HIVEP2: variants seen among roughly 807,000 people sequenced by gnomAD.
HIVEP2 encodes the protein HIVEP zinc finger 2.
HIVEP2 carries 14 observed loss-of-function variants against 180.7 expected under a neutral mutation model. The ratio of observed to expected loss-of-function variants is 0.08; its 90% CI spans 0.05 to 0.12. HIVEP2 has a LOEUF of 0.12. Ranked by LOEUF, HIVEP2 falls within the 10% of genes least tolerant of loss-of-function variation. The pLI, the probability that HIVEP2 is intolerant of heterozygous loss-of-function variation, is 1.00. For synonymous variants in HIVEP2, 1,184 were observed against 1,136.4 expected, an observed-to-expected ratio of 1.04 and a Z score of -0.84; for missense variants, 2,579 against 3,008.5, an observed-to-expected ratio of 0.86 and a Z score of 3.34.
intron 7 of HIVEP2, among the ~76,000 whole-genome samples, chr6:142,763,834 G>C (rs1360979904): frequency 6.6e-6 from 1 of 152,106 alleles, no homozygotes; most frequent in Non-Finnish European, 1.5e-5. Flanking sequence ...CTATTACATA[G>C]ATCTTTTTAA....
intron 1 of HIVEP2, among the ~76,000 whole-genome samples, chr6:142,941,145 A>T (rs966201833): frequency 4.6e-5 from 7 of 152,306 alleles, no homozygotes; most frequent in Non-Finnish European, 1.0e-4. Flanking sequence ...GGCAGTTCTG[A>T]TTCTATTCTA....
intron 1 of HIVEP2, among the ~76,000 whole-genome samples, chr6:142,892,899 G>A (rs1043117928): frequency 1.3e-5 from 2 of 152,184 alleles, no homozygotes; most frequent in Non-Finnish European, 2.9e-5. Context: ...ACTCTCAGAA[G>A]TATAATCATT....
At chr6:142,808,667 T>G (rs1776614024) in intron 2 of HIVEP2, among the ~76,000 whole-genome samples, 1 of 132,386 alleles carries the variant, frequency 7.6e-6, no homozygotes, top group Admixed American at 8.3e-5. Flanking sequence ...GAGGGCTAGA[T>G]GGATAGAAGG....
Position 142,793,677 on chromosome 6 carries a change from C to CTTTCTTTCTTTTTTTTTTCTTTCTTTCTT in HIVEP2, c.-527-10063_-527-10062insAAGAAAGAAAGAAAAAAAAAAGAAAGAAA, listed in dbSNP as rs1554279295. ...CTTTCTTTTTTCTTTCTTTCTTTCT[C>CTTTCTTTCTTTTTTTTTTCTTTCTTTCTT]TCTCTCTCTCTCTCTCTCTCTGTCT... On this transcript the variant is annotated intron_variant, in intron 2 of 9. Coordinates refer to ENST00000367603, the MANE Select transcript of HIVEP2 (RefSeq NM_006734.4). Among the ~76,000 whole-genome samples the CTTTCTTTCTTTTTTTTTTCTTTCTTTCTT allele has an allele frequency of 2.4e-5, 3 of 125,042 alleles. No individual in the cohort carries two copies. In the Admixed American group the frequency reaches 2.9e-4, roughly 12 times the overall value. 82.0% of individuals were successfully genotyped at this position (125,042 alleles called of 152,430 possible).
intron 1 of HIVEP2, among the ~76,000 whole-genome samples, chr6:142,883,474 G>T (rs1012774814): frequency 6.6e-6 from 1 of 152,006 alleles, no homozygotes; most frequent in African/African-American, 2.4e-5. Flanking sequence ...AATCTTTTGT[G>T]AAATATATTT....
At chr6:142,793,639 TC>T (rs1229262357) in intron 2 of HIVEP2, among the ~76,000 whole-genome samples, 9 of 34,506 alleles carry the variant, frequency 2.6e-4, no homozygotes, top group Admixed American at 7.0e-4. Flanking sequence ...TTTCTTTCTT[TC>T]TTTCTTTCTT....
intron 1 of HIVEP2, among the ~76,000 whole-genome samples, chr6:142,868,142 C>A (rs1197888070): frequency 6.6e-6 from 1 of 152,152 alleles, no homozygotes; most frequent in Admixed American, 6.6e-5. Flanking sequence ...AGTTATCCTA[C>A]CGGGCTACAG....
intron 1 of HIVEP2, among the ~76,000 whole-genome samples, chr6:142,908,105 C>A (rs1777312041): frequency 6.6e-6 from 1 of 152,204 alleles, no homozygotes; most frequent in African/African-American, 2.4e-5. Context: ...ATGGTCCAGG[C>A]CTTCCTACTT....
At position 142,935,525 on chromosome 6, in the gene HIVEP2, G is replaced by A. The variant is rs145577312; in HGVS notation, c.-641+9574C>T. ...CAGATCGCACCACTGCACTCCAGTG[G>A]GGGCAACAGAGTGAGACCCTGTCTC... On this transcript the variant is annotated intron_variant, in intron 1 of 9. Coordinates refer to ENST00000367603, the MANE Select transcript of HIVEP2 (RefSeq NM_006734.4). 5.9e-5 allele frequency among the ~76,000 whole-genome samples: 9 copies of A among 152,024 alleles called. No homozygotes were observed. The East Asian group carries it at 1.8e-3, about 30-fold the overall frequency.
rs377180774 is a variant in HIVEP2 at position 142,770,103 on chromosome 6, C to T, written c.4636G>A (p.Gly1546Ser). Reference protein sequence around the residue: ...PFLPSKEMLSGSRAPLPGQKS... With the variant: ...PFLPSKEMLSSSRAPLPGQKS... The stretch of plus-strand genomic sequence containing the variant: ...TGCCCCGGAAGTGGTGCCCGGGAAC[C>T]GGAAAGCATCTCCTTGCTGGGCAGG... The change falls in exon 5 of 10, where the codon GGT (glycine) becomes AGT (serine). Residue 1546 changes from glycine (G) to serine (S), a missense_variant. Around this residue, in one of 11 missense-constraint regions of HIVEP2, gnomAD observed 349 missense variants for 367.2 expected, o/e 0.95. Transcript: ENST00000367603. The surrounding 1 kb of genome is among the most constrained non-coding windows in gnomAD (Gnocchi z 4.7). 18 of 1,614,076 alleles carry T rather than the reference C, an allele frequency of 1.1e-5. No individual in the cohort carries two copies. Among genetic ancestry groups the T allele is most frequent in the African/African-American group, 8.0e-5 (6 of 74,940 alleles).
intron 1 of HIVEP2, among the ~76,000 whole-genome samples, chr6:142,871,562 A>T (rs1395860908): frequency 1.3e-5 from 2 of 152,124 alleles, no homozygotes; most frequent in Non-Finnish European, 2.9e-5. Flanking sequence ...TATAAATATA[A>T]TCCTAGAAAT....
intron 7 of HIVEP2, among the ~76,000 whole-genome samples, chr6:142,763,345 A>G (rs1312872290): frequency 6.6e-6 from 1 of 152,192 alleles, no homozygotes; most frequent in East Asian, 1.9e-4. Flanking sequence ...TGCTCAGACG[A>G]CAATGTGGGT....
chr6:142,885,233 T>C (rs1776666568), intron 1 of HIVEP2, among the ~76,000 whole-genome samples: 1 of 152,156 alleles, frequency 6.6e-6, no homozygotes, highest in Non-Finnish European at 1.5e-5. Flanking sequence ...GAAATGCACC[T>C]TTCCCCACAC....
chr6:142,866,610 G>C (rs1408193582), intron 1 of HIVEP2, among the ~76,000 whole-genome samples: 2 of 152,148 alleles, frequency 1.3e-5, no homozygotes, highest in Admixed American at 1.3e-4. Context: ...TAGTCTGGGA[G>C]ATTCTCTTTA....
In HIVEP2 at chr6:142,773,844, G is replaced by C; in HGVS notation, c.895C>G (p.Pro299Ala). 1 of 1,613,572 alleles carries C rather than the reference G, an allele frequency of 6.2e-7. No individual in the cohort carries two copies. The highest frequency in any genetic ancestry group is 8.5e-7 in the Non-Finnish European group (1 of 1,180,002). ...CTGGCAATGTCCAGTGGGATGGGTG[G>C]ACCAGGACTCATTTTGTCAGAAGCC... is the stretch of plus-strand genomic sequence containing the variant. Reference protein sequence around the residue: ...AEASDKMSPGPPIPLDIASRG... With the variant: ...AEASDKMSPGAPIPLDIASRG... Residue 299 changes from proline to alanine, a missense_variant, in exon 5 of 10, where the codon CCA becomes GCA. By Grantham distance (27) the Pro-to-Ala change is conservative. Transcript: ENST00000367603.
At position 142,773,176 on chromosome 6, in the gene HIVEP2, T is replaced by C. The variant is rs780526341; in HGVS notation, c.1563A>G (p.Ala521=). The C allele has an allele frequency of 3.7e-6, 6 of 1,614,236 alleles. No homozygotes were observed. The highest frequency in any genetic ancestry group is 5.1e-6 in the Non-Finnish European group (6 of 1,180,042). ...GAACCGGGTTGCTGCCTTGGAAGTT[T>C]GCTGGATAAAGTTTTCCTTCGTTCC... The part of the protein sequence containing the change: ...SIRNEGKLYP[A]NFQGSNPVLL... The change falls in exon 5 of 10, where the codon GCA becomes GCG. Residue 521 remains alanine (A), a synonymous_variant. Transcript: ENST00000367603.
chr6:142,781,112 C>G (rs561295748), intron 3 of HIVEP2, among the ~76,000 whole-genome samples: 1 of 152,272 alleles, frequency 6.6e-6, no homozygotes, highest in South Asian at 2.1e-4. Context: ...CAGAGATCCA[C>G]TTAGAACTAT....
intron 1 of HIVEP2, among the ~76,000 whole-genome samples, chr6:142,931,280 A>G (rs946115192): frequency 3.3e-5 from 5 of 151,804 alleles, no homozygotes; most frequent in East Asian, 3.9e-4. Flanking sequence ...ACTGCTATCT[A>G]TATAGTGCCT....
At chr6:142,793,467 C>T (rs559894415) in intron 2 of HIVEP2, among the ~76,000 whole-genome samples, 48 of 152,122 alleles carry the variant, frequency 3.2e-4, no homozygotes, top group African/African-American at 1.1e-3. Context: ...ATTTCTTTTC[C>T]GATACCATGA....
Sources: gnomAD v4.1 joint callset for allele counts (sites outside exome capture counted in the v4.1 genomes callset) on GRCh38, gnomAD v4.1.1 for gene constraint, gnomAD v4.1.1 regional missense constraint, Gnocchi (gnomAD v3.1) non-coding constraint, MANE v1.5 for transcripts, NCBI Gene and HGNC (gene_info 2026-07-23, HGNC 2026-07-21) for gene names.